LDHAL6A: variants seen among roughly 807,000 people sequenced by gnomAD.
The protein encoded by LDHAL6A is lactate dehydrogenase A like 6A.
Under a neutral mutation model 28.2 loss-of-function variants are expected in LDHAL6A, and 19 were observed. The observed-to-expected ratio is 0.67, with a 90% CI of 0.47 to 0.99. The LOEUF (loss-of-function observed/expected upper bound fraction) is 0.99. Among genes scored for constraint, LDHAL6A ranks in the 50% least tolerant of loss-of-function variants. The pLI is 0.00. For missense variants in LDHAL6A, 372 were observed against 398.6 expected (o/e 0.93, Z 0.57); for synonymous variants, 144 against 134.4 (o/e 1.07, Z -0.49).
chr11:18,462,218 C>T (rs1256481198), intron 1 of LDHAL6A, among the ~76,000 whole-genome samples: 5 of 151,758 alleles, frequency 3.3e-5, no homozygotes, highest in South Asian at 4.1e-4. Flanking sequence ...CATACAAGGC[C>T]GGGCGCGGAT....
chr11:18,469,245 C>CT (rs777626515), intron 3 of LDHAL6A: 1 of 609,614 alleles, frequency 1.6e-6, no homozygotes, highest in South Asian at 1.9e-5. Flanking sequence ...TTCACATTTA[C>CT]TGTTTGTGTT....
In LDHAL6A at chr11:18,478,559, CA is replaced by C. The variant is rs891155836; in HGVS notation, c.835-137del. On this transcript the variant is annotated intron_variant, in intron 6 of 6. Coordinates refer to ENST00000280706, the MANE Select transcript of LDHAL6A (RefSeq NM_144972.5). ...TGGACGACAGAGCAAGAGTCCGTCT[CA>C]AAAAAAAAAGAAAAAAGTTCTCTGC... 9.9e-3 allele frequency: 5,058 copies of C among 510,418 alleles called. 1 individual carries two copies. The highest frequency in any genetic ancestry group is 0.013 in the South Asian group (490 of 38,602). The allele number at this position is 510,418 out of a possible 1,614,324, so 31.6% of individuals were successfully genotyped here. A position where few individuals can be genotyped will look rare whatever the true frequency, so the allele number is the denominator to read the frequency against.
Position 18,465,806 on chromosome 11 carries a change from T to G in LDHAL6A, c.414T>G (p.Asn138Lys). Residue 138 changes from asparagine to lysine, a missense_variant, in exon 3 of 7, where the codon AAT (asparagine) becomes AAG (lysine). By Grantham distance (94) the Asn-to-Lys change is moderately conservative (BLOSUM62 0). Transcript: ENST00000280706. ...SPHCKLLIVT[N>K]PVDILTYVAW... ...ACTGCAAACTGCTTATTGTTACTAA[T>G]CCAGGTCAGCTTTGTTGTTTTAAAT... is the stretch of plus-strand genomic sequence containing the variant. The G allele has an allele frequency of 2.5e-6, 4 of 1,610,486 alleles. No homozygotes were observed. The highest frequency in any genetic ancestry group is 3.4e-6 in the Non-Finnish European group (4 of 1,178,196).
At chr11:18,462,350 A>G (rs1295303999) in intron 1 of LDHAL6A, among the ~76,000 whole-genome samples, 2 of 151,926 alleles carry the variant, frequency 1.3e-5, no homozygotes, top group Non-Finnish European at 2.9e-5. Flanking sequence ...AAAATACAAA[A>G]AAATTGGCCG....
In LDHAL6A at chr11:18,467,926, CATAT is replaced by C. The variant is rs1292809923; in HGVS notation, c.418+2124_418+2127del. 1.6e-4 allele frequency among the ~76,000 whole-genome samples: 9 copies of C among 55,458 alleles called. 1 individual carries two copies. The highest frequency in any genetic ancestry group is 2.3e-4 in the Admixed American group (1 of 4,374). The allele number at this position is 55,458 out of a possible 152,430, so 36.4% of individuals were successfully genotyped here. A position where few individuals can be genotyped will look rare whatever the true frequency, so the allele number is the denominator to read the frequency against. On this transcript the variant is annotated intron_variant, in intron 3 of 6. Coordinates refer to ENST00000280706, the MANE Select transcript of LDHAL6A (RefSeq NM_144972.5). ...ATATATATATATATATATACACACA[CATAT>C]ATATATACACACACATATATATATA...
intron 3 of LDHAL6A, among the ~76,000 whole-genome samples, chr11:18,467,454 TTAATA>T (rs1313885085): frequency 2.6e-5 from 4 of 152,222 alleles, no homozygotes; most frequent in Non-Finnish European, 5.9e-5. Flanking sequence ...CATTTTTAAC[TTAATA>T]TATCATGAAG....
At chr11:18,465,611 G>A (rs369154787) in intron 2 of LDHAL6A, 26 bp from the exon 3 acceptor site, 107 of 1,588,526 alleles carry the variant, frequency 6.7e-5, no homozygotes, top group Non-Finnish European at 7.1e-5. Flanking sequence ...TTTCATAATC[G>A]ATTGTTTATT....
At chr11:18,468,990 G>A (rs746211201) in intron 3 of LDHAL6A, 9 of 391,320 alleles carry the variant, frequency 2.3e-5, no homozygotes, top group Non-Finnish European at 3.6e-5. Flanking sequence ...GTAGTCCGGC[G>A]CTACAAGGAA....
In LDHAL6A at chr11:18,479,072, C is replaced by G; in HGVS notation, c.*202C>G. The G allele has an allele frequency of 2.3e-6, 1 of 443,490 alleles. No individual in the cohort carries two copies. Among genetic ancestry groups the G allele is most frequent in the East Asian group, 4.3e-5 (1 of 23,190 alleles). 27.5% of individuals were successfully genotyped at this position (443,490 alleles called of 1,614,324 possible). On this transcript the variant is annotated 3_prime_UTR_variant, in exon 7 of 7. Coordinates refer to ENST00000280706, the MANE Select transcript of LDHAL6A (RefSeq NM_144972.5). ...TCACCCAGGCTGGAGTGCAGTGGCA[C>G]AATCATGGCTCACTGCAACCTTGAC...
chr11:18,465,426 G>GTTTTTTT (rs5790038), intron 2 of LDHAL6A, among the ~76,000 whole-genome samples: 1 of 139,988 alleles, frequency 7.1e-6, no homozygotes, highest in Non-Finnish European at 1.6e-5. Context: ...CATGACTTAC[G>GTTTTTTT]TTTTTTTTTT....
At position 18,467,880 on chromosome 11, in the gene LDHAL6A, CATATATATATATATATATATAT is replaced by C. The variant is rs1161164040; in HGVS notation, c.418+2088_418+2109del. On this transcript the variant is annotated intron_variant, in intron 3 of 6. Transcript: ENST00000280706. Reference sequence around the variant, plus strand: ...CAAAAAAAATATATATATATACACACATATATATATATATATATATATATATATATATATATATACACACACA... The same window carrying C: ...CAAAAAAAATATATATATATACACACATATATATATATATATACACACACA... Among the ~76,000 whole-genome samples, 11 of 44,412 alleles carry C rather than the reference CATATATATATATATATATATAT, an allele frequency of 2.5e-4. 2 individuals are homozygous for C. The highest frequency in any genetic ancestry group is 1.0e-3 in the African/African-American group (7 of 7,006). The allele number at this position is 44,412 out of a possible 152,430, so 29.1% of individuals were successfully genotyped here.
intron 3 of LDHAL6A, among the ~76,000 whole-genome samples, chr11:18,473,062 C>T (rs1039777194): frequency 3.3e-5 from 5 of 151,876 alleles, no homozygotes; most frequent in Non-Finnish European, 7.4e-5. Context: ...AAAAAAAACC[C>T]AACACATTTC....
chr11:18,474,979 G>A (rs12361289), intron 3 of LDHAL6A, among the ~76,000 whole-genome samples: 49,295 of 152,020 alleles, frequency 0.32, 9,863 homozygotes, highest in Non-Finnish European at 0.45. Context: ...GGTGGCTCAC[G>A]CCTGTAGTCC....
intron 3 of LDHAL6A, among the ~76,000 whole-genome samples, chr11:18,467,945 A>T (rs1376526205): frequency 2.6e-5 from 1 of 38,530 alleles, no homozygotes; most frequent in Non-Finnish European, 4.7e-5. Flanking sequence ...ATACACACAC[A>T]TATATATATA....
At chr11:18,461,152 G>T (rs1456664582) in intron 1 of LDHAL6A, among the ~76,000 whole-genome samples, 76 of 143,588 alleles carry the variant, frequency 5.3e-4, no homozygotes, top group African/African-American at 1.6e-3. Flanking sequence ...TCATTTACTT[G>T]TTTTTTTTTT....
At chr11:18,475,990 G>A (rs1302698016) in intron 4 of LDHAL6A, among the ~76,000 whole-genome samples, 3 of 43,560 alleles carry the variant, frequency 6.9e-5, no homozygotes. Context: ...ATTAAGGGAT[G>A]GGTATAACTG....
intron 1 of LDHAL6A, among the ~76,000 whole-genome samples, chr11:18,462,675 AC>A (rs1848956671): frequency 1.4e-5 from 2 of 145,134 alleles, no homozygotes; most frequent in African/African-American, 5.2e-5. Flanking sequence ...AACAAAAAAA[AC>A]CCAAAAATTA....
chr11:18,467,936 T>TACACACACACAC, intron 3 of LDHAL6A, among the ~76,000 whole-genome samples: 1 of 65,030 alleles, frequency 1.5e-5, no homozygotes, highest in African/African-American at 7.4e-5. Flanking sequence ...CATATATATA[T>TACACACACACAC]ACACACACAT....
intron 3 of LDHAL6A, chr11:18,469,107 G>C (rs570781496): frequency 2.1e-6 from 1 of 478,980 alleles, no homozygotes; most frequent in Admixed American, 4.0e-5. Flanking sequence ...GAAATGTCAC[G>C]GTGTCATTTT....
Sources: gnomAD v4.1 joint callset for allele counts (sites outside exome capture counted in the v4.1 genomes callset) on GRCh38, gnomAD v4.1.1 for gene constraint, MANE v1.5 for transcripts, NCBI Gene and HGNC (gene_info 2026-07-23, HGNC 2026-07-21) for gene names.